The following CWC27 variants were observed in gnomAD, a reference collection of about 807,000 sequenced individuals.
The protein encoded by CWC27 is CWC27 spliceosome associated cyclophilin.
CWC27 carries 47 observed loss-of-function variants against 63.6 expected under a neutral mutation model. The ratio of observed to expected loss-of-function variants is 0.74; its 90% CI spans 0.58 to 0.94. The LOEUF is 0.94. Among genes scored for constraint, CWC27 ranks in the 40% least tolerant of loss-of-function variants. The pLI is 0.00. For missense variants in CWC27, 495 were observed against 554.3 expected (o/e 0.89, Z 1.07); for synonymous variants, 175 against 179.8 (o/e 0.97, Z 0.22).
chr5:64,804,201 G>A (rs780013474), intron 9 of CWC27, 28 bp from the exon 10 acceptor site: 1 of 1,567,872 alleles, frequency 6.4e-7, no homozygotes, highest in Non-Finnish European at 8.7e-7. Context: ...TTGAGCACCT[G>A]GCAAATACTC....
chr5:65,008,187 G>T (rs1046966743), intron 13 of CWC27, among the ~76,000 whole-genome samples: 6 of 152,160 alleles, frequency 3.9e-5, no homozygotes, highest in Admixed American at 1.3e-4. Context: ...TATAACAAGT[G>T]TACCATACTA....
intron 10 of CWC27, among the ~76,000 whole-genome samples, chr5:64,860,185 C>A (rs1158678929): frequency 6.6e-6 from 1 of 152,082 alleles, no homozygotes; most frequent in Non-Finnish European, 1.5e-5. Context: ...TTAACCTTAA[C>A]AAGTCCTTAC....
intron 11 of CWC27, among the ~76,000 whole-genome samples, chr5:64,909,584 A>G (rs1747741384): frequency 6.6e-6 from 1 of 152,168 alleles, no homozygotes; most frequent in Non-Finnish European, 1.5e-5. Flanking sequence ...TCAAACGTAC[A>G]GCATGGTCTT....
intron 11 of CWC27, among the ~76,000 whole-genome samples, chr5:64,959,896 G>A (rs1748874536): frequency 6.6e-6 from 1 of 152,186 alleles, no homozygotes; most frequent in Non-Finnish European, 1.5e-5. Flanking sequence ...TTTACAGCCT[G>A]GAGGGCAATA....
At chr5:64,829,732 T>G (rs1448373463) in intron 10 of CWC27, among the ~76,000 whole-genome samples, 1 of 151,322 alleles carries the variant, frequency 6.6e-6, no homozygotes, top group African/African-American at 2.4e-5. Context: ...TCATGGTGGT[T>G]TGCTGCACCC....
intron 10 of CWC27, among the ~76,000 whole-genome samples, chr5:64,836,437 C>G (rs1745658973): frequency 6.6e-6 from 1 of 151,998 alleles, no homozygotes; most frequent in African/African-American, 2.4e-5. Flanking sequence ...AATTGTTAAT[C>G]AGAAATATCT....
intron 11 of CWC27, among the ~76,000 whole-genome samples, chr5:64,919,526 G>T (rs940894541): frequency 2.6e-5 from 4 of 152,114 alleles, no homozygotes; most frequent in African/African-American, 9.7e-5. Context: ...ACCTCCAGCA[G>T]TCTCCAGTAT....
chr5:64,862,010 T>C (rs934139840), intron 10 of CWC27, among the ~76,000 whole-genome samples: 1 of 152,268 alleles, frequency 6.6e-6, no homozygotes, highest in Non-Finnish European at 1.5e-5. Context: ...GGGAAAGTTT[T>C]GTGTGCAGAG....
rs9764091 is a variant in CWC27 at position 64,852,752 on chromosome 5, C to T, written c.939-32691C>T. Reference sequence around the variant, plus strand: ...CCTCCCAAAGTGCTGGAATTACAGGCGTGAGCCACTGCTCCCGGCCACCTT... The same window carrying T: ...CCTCCCAAAGTGCTGGAATTACAGGTGTGAGCCACTGCTCCCGGCCACCTT... On this transcript the variant is annotated intron_variant, in intron 10 of 13. Transcript: ENST00000381070. Among the ~76,000 whole-genome samples the T allele has an allele frequency of 2.3e-3, 344 of 151,014 alleles. 1 individual carries two copies. The highest frequency in any genetic ancestry group is 7.9e-3 in the African/African-American group (327 of 41,152).
intron 10 of CWC27, among the ~76,000 whole-genome samples, chr5:64,819,856 T>C (rs1261888010): frequency 6.6e-6 from 1 of 152,182 alleles, no homozygotes; most frequent in African/African-American, 2.4e-5. Flanking sequence ...ATGGTTAAAT[T>C]GCAGCATCAC....
chr5:64,892,282 G>T (rs183560269), intron 11 of CWC27, among the ~76,000 whole-genome samples: 8 of 151,928 alleles, frequency 5.3e-5, no homozygotes, highest in African/African-American at 1.9e-4. Context: ...ACTAATATCT[G>T]TGTCATTCCT....
chr5:64,834,429 A>G (rs1745605816), intron 10 of CWC27, among the ~76,000 whole-genome samples: 1 of 151,624 alleles, frequency 6.6e-6, no homozygotes, highest in Non-Finnish European at 1.5e-5. Context: ...GGTCCCTCCA[A>G]GAGATCTGGA....
chr5:64,794,536 T>C (rs1441967551), intron 7 of CWC27, among the ~76,000 whole-genome samples: 2 of 152,006 alleles, frequency 1.3e-5, no homozygotes, highest in Non-Finnish European at 2.9e-5. Context: ...TATCCAGTTG[T>C]GAACGTACTT....
At chr5:64,895,805 A>G (rs1369567054) in intron 11 of CWC27, among the ~76,000 whole-genome samples, 2 of 152,206 alleles carry the variant, frequency 1.3e-5, no homozygotes, top group South Asian at 2.1e-4. Flanking sequence ...AACTTGATAT[A>G]TTTTATAGCA....
At chr5:64,983,693 A>G (rs1440319679) in intron 13 of CWC27, among the ~76,000 whole-genome samples, 4 of 152,356 alleles carry the variant, frequency 2.6e-5, no homozygotes, top group Non-Finnish European at 4.4e-5. Flanking sequence ...ACAGAGTACT[A>G]ATTGTTTCCT....
chr5:64,955,830 C>T (rs1748793563), intron 11 of CWC27, among the ~76,000 whole-genome samples: 1 of 152,070 alleles, frequency 6.6e-6, no homozygotes, highest in Non-Finnish European at 1.5e-5. Context: ...AAAATATTCT[C>T]ATAGATACAG....
chr5:65,015,746 A>G (rs1750038299), intron 13 of CWC27, among the ~76,000 whole-genome samples: 1 of 152,222 alleles, frequency 6.6e-6, no homozygotes. Flanking sequence ...TTAAGTAAAG[A>G]GGAGCTGTGC....
chr5:64,812,076 A>T (rs764881037), intron 10 of CWC27, among the ~76,000 whole-genome samples: 3 of 152,082 alleles, frequency 2.0e-5, no homozygotes, highest in African/African-American at 4.8e-5. Context: ...TTGTGTCTGG[A>T]TTCTCTTACT....
chr5:64,778,821 A>G (rs1246479582), intron 2 of CWC27, among the ~76,000 whole-genome samples: 2 of 152,196 alleles, frequency 1.3e-5, no homozygotes, highest in African/African-American at 4.8e-5. Context: ...ATTTGTCTGC[A>G]CTAGGGAGCT....
Sources: gnomAD v4.1 joint callset for allele counts (sites outside exome capture counted in the v4.1 genomes callset) on GRCh38, gnomAD v4.1.1 for gene constraint, MANE v1.5 for transcripts, NCBI Gene and HGNC (gene_info 2026-07-23, HGNC 2026-07-21) for gene names.